ARL5A: variants seen among roughly 807,000 people sequenced by gnomAD.
ARL5A encodes the protein ADP-ribosylation factor-like protein 5A.
ARL5A carries 18 observed loss-of-function variants against 25.9 expected under a neutral mutation model. The observed-to-expected ratio is 0.69, with a 90% confidence interval of 0.48 to 1.03. ARL5A has a LOEUF of 1.03. Among genes scored for constraint, ARL5A ranks in the 50% least tolerant of loss-of-function variants. The probability of loss-of-function intolerance (pLI) is 0.00; values close to 1 mark genes in which losing one functional copy is unlikely to be tolerated. For synonymous variants in ARL5A, 61 were observed against 67.5 expected (o/e 0.90, Z 0.47); for missense variants, 170 against 211.9 (o/e 0.80, Z 1.23).
chr2:151,806,344 A>C (rs1012046891), intron 5 of ARL5A, among the ~76,000 whole-genome samples: 81 of 152,316 alleles, frequency 5.3e-4, no homozygotes, highest in African/African-American at 1.7e-3. Flanking sequence ...AAATAAACCC[A>C]AAGTAGTCTC....
intron 5 of ARL5A, among the ~76,000 whole-genome samples, chr2:151,804,356 A>T (rs1448120014): frequency 6.6e-6 from 1 of 152,220 alleles, no homozygotes; most frequent in Non-Finnish European, 1.5e-5. Context: ...GTTGCAATAA[A>T]ATGAAGAACT....
Position 151,828,413 on chromosome 2 carries a change from G to T in ARL5A, c.-237C>A. On this transcript the variant is annotated 5_prime_UTR_variant, in exon 1 of 6. Coordinates refer to ENST00000295087, the MANE Select transcript of ARL5A (RefSeq NM_012097.4). ...CCTGGCTCGCGGACATCGCCGCCGC[G>T]TTGTCTGCGACGAGCCTCGCGGGCC... is the stretch of plus-strand genomic sequence containing the variant. 2.7e-6 allele frequency: 1 copy of T among 375,338 alleles called. No individual in the cohort carries two copies. Among genetic ancestry groups the T allele is most frequent in the Non-Finnish European group, 4.7e-6 (1 of 212,456 alleles). 23.3% of individuals were successfully genotyped at this position (375,338 alleles called of 1,614,324 possible).
intron 4 of ARL5A, chr2:151,810,646 C>T (rs2099830716): frequency 2.5e-6 from 1 of 406,444 alleles, no homozygotes; most frequent in Non-Finnish European, 4.9e-6. Flanking sequence ...CCTTTCTGGG[C>T]CCCAGTGTAG....
intron 3 of ARL5A, among the ~76,000 whole-genome samples, chr2:151,813,079 C>A (rs924989965): frequency 1.3e-5 from 2 of 152,118 alleles, no homozygotes; most frequent in Non-Finnish European, 2.9e-5. Flanking sequence ...ACTCCGTGAG[C>A]ACCCAAAAGC....
At chr2:151,812,269 T>C (rs748445339) in intron 4 of ARL5A, 88 bp downstream of exon 4, 63 of 891,650 alleles carry the variant, frequency 7.1e-5, no homozygotes, top group Non-Finnish European at 9.2e-5. Flanking sequence ...AAATTTGAAA[T>C]TGATAGCACC....
intron 1 of ARL5A, among the ~76,000 whole-genome samples, chr2:151,826,964 G>C (rs970429535): frequency 5.3e-5 from 8 of 151,994 alleles, no homozygotes; most frequent in African/African-American, 1.9e-4. Context: ...GATACATTAG[G>C]GATCACAAGT....
At chr2:151,814,599 T>C (rs2099831265) in intron 2 of ARL5A, among the ~76,000 whole-genome samples, 2 of 151,948 alleles carry the variant, frequency 1.3e-5, no homozygotes, top group Non-Finnish European at 2.9e-5. Context: ...AGTGGTGTGA[T>C]CATACATAAT....
rs533042981 is a variant in ARL5A, at chr2:151,799,693, T to G, written c.*3583A>C. 6.6e-5 allele frequency: 10 copies of G among 152,360 alleles called. No individual in the cohort carries two copies. In the East Asian group the frequency reaches 1.7e-3, roughly 26 times the overall value. 9.4% of individuals were successfully genotyped at this position (152,360 alleles called of 1,614,324 possible). A position where few individuals can be genotyped will look rare whatever the true frequency, so the allele number is the denominator to read the frequency against. The stretch of plus-strand genomic sequence containing the variant: ...CTATACACACTGCAAGCTGGTCTTC[T>G]GATGGACTCCACATCTCTGATAATG... On this transcript the variant is annotated 3_prime_UTR_variant, in exon 6 of 6. Transcript: ENST00000295087.
rs770913765 is a variant in ARL5A, at chr2:151,806,825, C to T, written c.487G>A (p.Glu163Lys). ...TTTAAGAGGAAGATGTCTTACCCCT[C>T]GCCAGTTAGAGCACAGCATGCCTGG... ...HIQACCALTG[E>K]GLCQGLEWMM... Residue 163 changes from glutamate to lysine, a missense_variant, in exon 5 of 6, where the codon GAG becomes AAG. Transcript: ENST00000295087. The T allele has an allele frequency of 1.4e-5, 23 of 1,602,922 alleles. No individual in the cohort carries two copies. In the Middle Eastern group the frequency reaches 2.1e-3, roughly 147 times the overall value.
intron 5 of ARL5A, among the ~76,000 whole-genome samples, chr2:151,803,532 TA>T (rs2099829703): frequency 6.6e-6 from 1 of 152,174 alleles, no homozygotes; most frequent in Non-Finnish European, 1.5e-5. Flanking sequence ...TCCTCTTTTT[TA>T]GACAGGGTCT....
chr2:151,828,242 G>A lies in ARL5A; in HGVS notation c.-66C>T, dbSNP rs1236460329. The stretch of plus-strand genomic sequence containing the variant: ...CCTGGCTTCCCCCGGCTCAGGCTGA[G>A]GGGGAGGAGAGAGACGCGCTGGAGC... On this transcript the variant is annotated 5_prime_UTR_variant, in exon 1 of 6. Transcript: ENST00000295087. The A allele has an allele frequency of 2.7e-6, 4 of 1,478,396 alleles. No homozygotes were observed. Among genetic ancestry groups the A allele is most frequent in the South Asian group, 1.2e-5 (1 of 86,546 alleles). The allele number at this position is 1,478,396 out of a possible 1,614,324, so 91.6% of individuals were successfully genotyped here. A position where few individuals can be genotyped will look rare whatever the true frequency, so the allele number is the denominator to read the frequency against.
Position 151,814,070 on chromosome 2 carries a change from A to G in ARL5A, c.255+99T>C, listed in dbSNP as rs561363748. 2.1e-5 allele frequency: 24 copies of G among 1,134,508 alleles called. No homozygotes were observed. In the African/African-American group the frequency reaches 3.3e-4, roughly 16 times the overall value. 70.3% of individuals were successfully genotyped at this position (1,134,508 alleles called of 1,614,324 possible). On this transcript the variant is annotated intron_variant, in intron 3 of 5. Coordinates refer to ENST00000295087, the MANE Select transcript of ARL5A (RefSeq NM_012097.4). ...CTGCTTAAACTCTCTATGTATTAAC[A>G]TACTGTGATATTTCAAAAAGATTAA...
At chr2:151,824,559 G>T (rs1370275174) in intron 1 of ARL5A, among the ~76,000 whole-genome samples, 1 of 152,136 alleles carries the variant, frequency 6.6e-6, no homozygotes, top group African/African-American at 2.4e-5. Flanking sequence ...GGTTCCTGAA[G>T]CACAGGCAGC....
chr2:151,807,007 A>C, intron 4 of ARL5A, 35 bp from the exon 5 acceptor site: 2 of 1,530,028 alleles, frequency 1.3e-6, no homozygotes, highest in Non-Finnish European at 8.8e-7. Flanking sequence ...AGGCCAATAC[A>C]TTTTCCACAT....
chr2:151,828,248 G>A lies in ARL5A; in HGVS notation c.-72C>T. On this transcript the variant is annotated 5_prime_UTR_variant, in exon 1 of 6. Coordinates refer to ENST00000295087, the MANE Select transcript of ARL5A (RefSeq NM_012097.4). ...TTCCCCCGGCTCAGGCTGAGGGGGA[G>A]GAGAGAGACGCGCTGGAGCCTCCGC... 7.3e-7 allele frequency: 1 copy of A among 1,376,396 alleles called. No individual in the cohort carries two copies. The highest frequency in any genetic ancestry group is 1.0e-6 in the Non-Finnish European group (1 of 981,388). 85.3% of individuals were successfully genotyped at this position (1,376,396 alleles called of 1,614,324 possible). A position where few individuals can be genotyped will look rare whatever the true frequency, so the allele number is the denominator to read the frequency against.
chr2:151,799,172 T>A lies in ARL5A; in HGVS notation c.*4104A>T, dbSNP rs1044819864. ...TTGAGGGAGCATGATATACAAGTTT[T>A]ATTTTTGTGTAAGTGGAGCTTCAAA... On this transcript the variant is annotated 3_prime_UTR_variant, in exon 6 of 6. Coordinates refer to ENST00000295087, the MANE Select transcript of ARL5A (RefSeq NM_012097.4). The A allele has an allele frequency of 1.3e-5, 2 of 152,228 alleles. No homozygotes were observed. The highest frequency in any genetic ancestry group is 4.8e-5 in the African/African-American group (2 of 41,470). 9.4% of individuals were successfully genotyped at this position (152,228 alleles called of 1,614,324 possible).
At position 151,812,471 on chromosome 2, in the gene ARL5A, T is replaced by C. The variant is rs754750157; in HGVS notation, c.256-31A>G. The C allele has an allele frequency of 5.0e-6, 7 of 1,408,496 alleles. No individual in the cohort carries two copies. In the South Asian group the frequency reaches 9.2e-5, roughly 19 times the overall value. The allele number at this position is 1,408,496 out of a possible 1,614,324, so 87.2% of individuals were successfully genotyped here. A position where few individuals can be genotyped will look rare whatever the true frequency, so the allele number is the denominator to read the frequency against. On this transcript the variant is annotated intron_variant, in intron 3 of 5. Coordinates refer to ENST00000295087, the MANE Select transcript of ARL5A (RefSeq NM_012097.4). ...ATAATTACAAAAAAATTATTAGTGATTATACAATTTGGTATCTGTAAAATT... is the reference window on the plus strand; with the variant it reads ...ATAATTACAAAAAAATTATTAGTGACTATACAATTTGGTATCTGTAAAATT...
At chr2:151,823,580 G>T (rs2099832645) in intron 1 of ARL5A, among the ~76,000 whole-genome samples, 1 of 152,116 alleles carries the variant, frequency 6.6e-6, no homozygotes, top group Admixed American at 6.5e-5. Flanking sequence ...AAGATTATGG[G>T]AATGTCAAAT....
rs1437387388 is a variant in ARL5A, at chr2:151,805,999, T to TA, written c.491+821dup. On this transcript the variant is annotated intron_variant, in intron 5 of 5. Transcript: ENST00000295087. ...AGTTTACAAAGCTATTTTTGCTTCC[T>TA]AAAATCTACCTCCTCTTTAAACTAC... Among the ~76,000 whole-genome samples, 8 of 152,306 alleles carry TA rather than the reference T, an allele frequency of 5.3e-5. No individual in the cohort carries two copies. The East Asian group carries it at 1.5e-3, about 29-fold the overall frequency.
Sources: gnomAD v4.1 joint callset for allele counts (sites outside exome capture counted in the v4.1 genomes callset) on GRCh38, gnomAD v4.1.1 for gene constraint, MANE v1.5 for transcripts, NCBI Gene and HGNC (gene_info 2026-07-23, HGNC 2026-07-21) for gene names.